WDR41: variants seen among roughly 807,000 people sequenced by gnomAD.
WDR41 encodes the protein WD repeat-containing protein 41.
WDR41 carries 63 observed loss-of-function variants against 69.3 expected under a neutral mutation model. The observed-to-expected ratio is 0.91, with a 90% CI of 0.74 to 1.12. The LOEUF is 1.12. Among genes scored for constraint, WDR41 ranks in the 50% most tolerant of loss-of-function variants. WDR41 has a pLI of 0.00. For missense variants in WDR41, 543 were observed against 534.5 expected, an observed-to-expected ratio of 1.02 and a Z score of -0.16; for synonymous variants, 185 against 192.1, an observed-to-expected ratio of 0.96 and a Z score of 0.31.
chr5:77,558,094 T>A (rs1388794391), intron 1 of WDR41, among the ~76,000 whole-genome samples: 24 of 104,272 alleles, frequency 2.3e-4, no homozygotes, highest in Non-Finnish European at 3.3e-4. Context: ...ATGTTCTTTT[T>A]AAAAAAAAAA....
At chr5:77,604,699 T>G (rs1206242476) in intron 1 of WDR41, among the ~76,000 whole-genome samples, 1 of 152,198 alleles carries the variant, frequency 6.6e-6, no homozygotes, top group African/African-American at 2.4e-5. Flanking sequence ...CATTATTCAC[T>G]ACAGCATAAT....
Position 77,436,824 on chromosome 5 carries a change from C to T in WDR41, c.1094-430G>A, listed in dbSNP as rs146716167. On this transcript the variant is annotated intron_variant, in intron 11 of 12. Coordinates refer to ENST00000296679, the MANE Select transcript of WDR41 (RefSeq NM_018268.4). ...ACCAGAAACAACTAGGTACCAGCAT[C>T]TGATTTCTTGTGCAAAGGTTGGTAA... Among the ~76,000 whole-genome samples the T allele has an allele frequency of 3.0e-3, 463 of 152,320 alleles. 2 individuals are homozygous for T. Among genetic ancestry groups the T allele is most frequent in the African/African-American group, 9.3e-3 (387 of 41,570 alleles).
At chr5:77,571,921 T>C (rs1239382484) in intron 1 of WDR41, among the ~76,000 whole-genome samples, 1 of 152,080 alleles carries the variant, frequency 6.6e-6, no homozygotes, top group African/African-American at 2.4e-5. Flanking sequence ...AGAAATTGGG[T>C]TAATATTTGC....
intron 1 of WDR41, among the ~76,000 whole-genome samples, chr5:77,594,628 C>T (rs943608090): frequency 6.6e-6 from 1 of 152,110 alleles, no homozygotes; most frequent in Non-Finnish European, 1.5e-5. Flanking sequence ...CTGCAGGTTT[C>T]CCTGGCTATG....
intron 2 of WDR41, among the ~76,000 whole-genome samples, chr5:77,465,258 A>G (rs1023436602): frequency 6.6e-6 from 1 of 152,014 alleles, no homozygotes; most frequent in African/African-American, 2.4e-5. Context: ...GCTCAGCTCA[A>G]CTCCTTAGTC....
rs960802056 is a variant in WDR41, at chr5:77,436,194, GAAAGA to G, written c.1227+62_1227+66del. ...AGTATATGCCTTTATGAGATCAACTGAAAGAAAAGAGCAATGAAATGCAAAAGCAG... is the reference window on the plus strand; with the variant it reads ...AGTATATGCCTTTATGAGATCAACTGAAAGAGCAATGAAATGCAAAAGCAG... On this transcript the variant is annotated intron_variant, in intron 12 of 12. Transcript: ENST00000296679. The G allele has an allele frequency of 1.5e-5, 24 of 1,566,264 alleles. No homozygotes were observed. The African/African-American group carries it at 2.5e-4, about 16-fold the overall frequency.
chr5:77,530,756 A>C (rs967763722), intron 1 of WDR41, among the ~76,000 whole-genome samples: 1 of 151,846 alleles, frequency 6.6e-6, no homozygotes, highest in African/African-American at 2.4e-5. Context: ...TACATTAAAA[A>C]ATTAACTGTA....
chr5:77,536,150 G>A (rs531668628), intron 1 of WDR41, among the ~76,000 whole-genome samples: 16 of 152,202 alleles, frequency 1.1e-4, no homozygotes, highest in South Asian at 1.0e-3. Flanking sequence ...GTTTATGCTC[G>A]TCTGAGGAGA....
chr5:77,583,067 G>C, intron 1 of WDR41: 1 of 1,595,308 alleles, frequency 6.3e-7, no homozygotes, highest in Non-Finnish European at 8.5e-7. Context: ...GTAGAAGGTA[G>C]AGATGCTGGC....
intron 2 of WDR41, chr5:77,480,033 CA>C (rs1801148276): frequency 1.3e-5 from 2 of 151,816 alleles, no homozygotes; most frequent in South Asian, 4.2e-4. Flanking sequence ...AGACACTTCT[CA>C]AAAGAAGACA....
chr5:77,563,146 C>A (rs1254604598), intron 1 of WDR41, among the ~76,000 whole-genome samples: 1 of 152,102 alleles, frequency 6.6e-6, no homozygotes, highest in Non-Finnish European at 1.5e-5. Context: ...GTAGCAGTCT[C>A]CAGGTTGATG....
chr5:77,442,401 A>G (rs1240384526), intron 8 of WDR41, among the ~76,000 whole-genome samples: 1 of 152,232 alleles, frequency 6.6e-6, no homozygotes, highest in African/African-American at 2.4e-5. Context: ...TTTATGACAT[A>G]TTGTTACAAA....
At chr5:77,551,319 T>A (rs1383929200) in intron 1 of WDR41, among the ~76,000 whole-genome samples, 2 of 152,228 alleles carry the variant, frequency 1.3e-5, no homozygotes, top group Non-Finnish European at 2.9e-5. Context: ...CATGTTAGAT[T>A]TTGATAAATG....
At chr5:77,616,521 C>T (rs981606962) in intron 1 of WDR41, among the ~76,000 whole-genome samples, 2 of 152,326 alleles carry the variant, frequency 1.3e-5, no homozygotes, top group African/African-American at 4.8e-5. Flanking sequence ...AGATCAGGCA[C>T]TGGACAAGCT....
intron 1 of WDR41, among the ~76,000 whole-genome samples, chr5:77,517,203 A>G (rs1802302851): frequency 6.6e-6 from 1 of 152,120 alleles, no homozygotes; most frequent in Non-Finnish European, 1.5e-5. Context: ...TAAAAATTTT[A>G]TTGGTAACAA....
intron 11 of WDR41, 28 bp downstream of exon 11, chr5:77,437,308 G>C (rs770641574): frequency 5.0e-6 from 8 of 1,594,642 alleles, no homozygotes; most frequent in Non-Finnish European, 6.9e-6. Flanking sequence ...GAGAGAAAAA[G>C]ACTACCTTTT....
At chr5:77,611,046 A>G (rs1744538608) in intron 1 of WDR41, among the ~76,000 whole-genome samples, 1 of 152,260 alleles carries the variant, frequency 6.6e-6, no homozygotes, top group East Asian at 1.9e-4. Flanking sequence ...ACAAAGATCA[A>G]AAGAGACAAA....
At chr5:77,539,553 T>C (rs1465301580) in intron 1 of WDR41, among the ~76,000 whole-genome samples, 8 of 152,142 alleles carry the variant, frequency 5.3e-5, no homozygotes, top group East Asian at 3.9e-4. Flanking sequence ...GGGTGAACAC[T>C]TTTTTATTAA....
intron 8 of WDR41, among the ~76,000 whole-genome samples, chr5:77,445,067 CA>C (rs1222021363): frequency 6.6e-6 from 1 of 152,012 alleles, no homozygotes; most frequent in East Asian, 1.9e-4. Flanking sequence ...AGAGAAGAAT[CA>C]AATAGACACA....
Sources: gnomAD v4.1 joint callset for allele counts (sites outside exome capture counted in the v4.1 genomes callset) on GRCh38, gnomAD v4.1.1 for gene constraint, MANE v1.5 for transcripts, NCBI Gene and HGNC (gene_info 2026-07-23, HGNC 2026-07-21) for gene names.